Variants in DDX31 observed in about 807,000 individuals in gnomAD.
DDX31 encodes the protein DEAD-box helicase 31.
A neutral mutation model predicts 91.3 loss-of-function variants in DDX31; 70 were observed. The observed-to-expected ratio is 0.77, with a 90% CI of 0.63 to 0.94. DDX31 has a LOEUF of 0.94. Among genes scored for constraint, DDX31 ranks in the 40% least tolerant of loss-of-function variants. The pLI, the probability that DDX31 is intolerant of heterozygous loss-of-function variation, is 0.00. For synonymous variants in DDX31, 362 were observed against 350.6 expected (o/e 1.03, Z -0.36); for missense variants, 902 against 925.0 (o/e 0.98, Z 0.32).
intron 16 of DDX31, among the ~76,000 whole-genome samples, chr9:132,628,231 C>T (rs1347008611): frequency 6.6e-6 from 1 of 152,218 alleles, no homozygotes; most frequent in African/African-American, 2.4e-5. Context: ...AGTGAGTTTT[C>T]AGAGCCGACG....
chr9:132,614,247 A>C (rs982659174), intron 18 of DDX31, among the ~76,000 whole-genome samples: 1 of 152,194 alleles, frequency 6.6e-6, no homozygotes, highest in Admixed American at 6.5e-5. Context: ...ATGAGCAATA[A>C]TAACCAAGGC....
chr9:132,646,988 G>T lies in DDX31; in HGVS notation c.1038C>A (p.Asp346Glu), dbSNP rs753019354. 1.9e-6 allele frequency: 3 copies of T among 1,614,108 alleles called. No individual in the cohort carries two copies. The African/African-American group carries it at 4.0e-5, about 22-fold the overall frequency. Reference sequence around the variant, plus strand: ...CCGCTTTGTCCTTTGGGTTCAACTGGTCATGGCTCTTGTCCAGGACAGAAA... The same window carrying T: ...CCGCTTTGTCCTTTGGGTTCAACTGTTCATGGCTCTTGTCCAGGACAGAAA... ...VSISVLDKSHDQLNPKDKAVQ... is the reference protein window; with the variant it reads ...VSISVLDKSHEQLNPKDKAVQ... The change falls in exon 12 of 20, where the codon GAC becomes GAA. Residue 346 changes from aspartate (D) to glutamate (E), a missense_variant. Transcript: ENST00000372159.
At chr9:132,603,669 T>C (rs966525655) in intron 19 of DDX31, among the ~76,000 whole-genome samples, 1 of 152,206 alleles carries the variant, frequency 6.6e-6, no homozygotes, top group Non-Finnish European at 1.5e-5. Flanking sequence ...ACCTAGCGGT[T>C]TGTGCTAGGC....
chr9:132,648,667 T>C, intron 9 of DDX31, 116 bp from the exon 10 acceptor site: 4 of 1,241,756 alleles, frequency 3.2e-6, no homozygotes, highest in Non-Finnish European at 4.3e-6. Flanking sequence ...AAACGTGCCA[T>C]AGCCTGAAAT....
Position 132,642,051 on chromosome 9 carries a change from C to T in DDX31, c.1393G>A (p.Val465Met), listed in dbSNP as rs1833535499. The T allele has an allele frequency of 6.2e-7, 1 of 1,614,076 alleles. No homozygotes were observed. The highest frequency in any genetic ancestry group is 1.3e-5 in the African/African-American group (1 of 74,942). ...CTGGAATGTGAAAATTCCTGAAACA[C>T]TGCTGTTCTTTCCTACAAAAACAAG... Reference protein sequence around the residue: ...GGMEQEERTAVFQEFSHSRRG... With the variant: ...GGMEQEERTAMFQEFSHSRRG... The change falls in exon 14 of 20, where the codon GTG becomes ATG. Residue 465 changes from valine (V) to methionine (M), a missense_variant. By Grantham distance (21) the Val-to-Met change is conservative (BLOSUM62 1). Coordinates refer to ENST00000372159, the MANE Select transcript of DDX31 (RefSeq NM_022779.9).
intron 1 of DDX31, chr9:132,663,286 C>T (rs116084401): frequency 1.8e-5 from 23 of 1,289,044 alleles, no homozygotes; most frequent in Admixed American, 2.3e-5. Flanking sequence ...CAGATTCAGA[C>T]GGCCTGGAGA....
chr9:132,604,721 C>T (rs1830915924), intron 19 of DDX31, among the ~76,000 whole-genome samples: 1 of 152,206 alleles, frequency 6.6e-6, no homozygotes. Flanking sequence ...ACTTCCAGAG[C>T]ACATTCTGTT....
At chr9:132,651,994 T>C (rs1406905383) in intron 7 of DDX31, among the ~76,000 whole-genome samples, 1 of 152,028 alleles carries the variant, frequency 6.6e-6, no homozygotes, top group East Asian at 1.9e-4. Context: ...GCAAATAAAA[T>C]AGATCAGATA....
intron 12 of DDX31, 137 bp downstream of exon 12, chr9:132,646,686 A>T: frequency 1.3e-6 from 1 of 759,220 alleles, no homozygotes; most frequent in South Asian, 1.7e-5. Context: ...ATGTATATCA[A>T]AGTCTGCATC....
intron 19 of DDX31, among the ~76,000 whole-genome samples, chr9:132,605,246 C>T (rs1029349651): frequency 6.6e-6 from 1 of 152,182 alleles, no homozygotes; most frequent in African/African-American, 2.4e-5. Context: ...AAAAAATTTA[C>T]CGAGCACCTA....
chr9:132,597,504 T>C (rs534487732), intron 19 of DDX31, among the ~76,000 whole-genome samples: 1 of 152,374 alleles, frequency 6.6e-6, no homozygotes, highest in Admixed American at 6.5e-5. Context: ...TTTCAAAATA[T>C]GCAAAATTTC....
intron 15 of DDX31, among the ~76,000 whole-genome samples, chr9:132,631,611 T>C (rs991801784): frequency 3.9e-5 from 6 of 152,164 alleles, no homozygotes; most frequent in African/African-American, 1.2e-4. Context: ...GCAAAGCGTC[T>C]AAGGCTAGAG....
At position 132,652,445 on chromosome 9, in the gene DDX31, T is replaced by C. The variant is rs766576649; in HGVS notation, c.633+3A>G. ...AACTTGTCCCAAAAGGGAGCCTGCTTACCTCTCTCGTTGGCACGAGCACCA... is the reference window on the plus strand; with the variant it reads ...AACTTGTCCCAAAAGGGAGCCTGCTCACCTCTCTCGTTGGCACGAGCACCA... On this transcript the variant is annotated splice_donor_region_variant and intron_variant, in intron 7 of 19. Transcript: ENST00000372159. The C allele has an allele frequency of 1.9e-6, 3 of 1,614,146 alleles. No individual in the cohort carries two copies. The Admixed American group carries it at 5.0e-5, about 27-fold the overall frequency.
At chr9:132,612,922 T>A (rs1234938611) in intron 18 of DDX31, among the ~76,000 whole-genome samples, 1 of 152,202 alleles carries the variant, frequency 6.6e-6, no homozygotes, top group Non-Finnish European at 1.5e-5. Context: ...AAATTTAAAA[T>A]TTTTTAAAGA....
intron 19 of DDX31, among the ~76,000 whole-genome samples, chr9:132,605,942 C>G (rs1486221286): frequency 6.6e-6 from 1 of 152,088 alleles, no homozygotes; most frequent in Non-Finnish European, 1.5e-5. Flanking sequence ...CACAGGAAGA[C>G]TCGGTGGGAG....
intron 19 of DDX31, among the ~76,000 whole-genome samples, chr9:132,607,854 G>A (rs116998097): frequency 1.7e-3 from 262 of 152,212 alleles, no homozygotes; most frequent in Non-Finnish European, 3.1e-3. Context: ...AAGGCACATC[G>A]TTTCTATATT....
At chr9:132,605,685 A>G (rs1830973449) in intron 19 of DDX31, among the ~76,000 whole-genome samples, 1 of 152,166 alleles carries the variant, frequency 6.6e-6, no homozygotes, top group Admixed American at 6.5e-5. Context: ...CTGGCTGGAG[A>G]GGGCACAGCA....
chr9:132,609,691 G>A (rs763992278), intron 19 of DDX31, among the ~76,000 whole-genome samples: 4 of 151,804 alleles, frequency 2.6e-5, no homozygotes, highest in Non-Finnish European at 5.9e-5. Flanking sequence ...GCGCGATCTC[G>A]GCTCACCGCA....
At chr9:132,660,105 GTGGGTGGATCA>G (rs1834839481) in intron 4 of DDX31, among the ~76,000 whole-genome samples, 2 of 152,102 alleles carry the variant, frequency 1.3e-5, no homozygotes, top group South Asian at 4.1e-4. Flanking sequence ...GGAAGCTGAG[GTGGGTGGATCA>G]CCTGAGGTAA....
Sources: gnomAD v4.1 joint callset for allele counts (sites outside exome capture counted in the v4.1 genomes callset) on GRCh38, gnomAD v4.1.1 for gene constraint, MANE v1.5 for transcripts, NCBI Gene and HGNC (gene_info 2026-07-23, HGNC 2026-07-21) for gene names.